AHCTF1: variants seen among roughly 807,000 people sequenced by gnomAD.
The protein encoded by AHCTF1 is AT-hook containing transcription factor 1.
A neutral mutation model predicts 248.4 loss-of-function variants in AHCTF1; 24 were observed. The ratio of observed to expected loss-of-function variants is 0.10; its 90% CI spans 0.07 to 0.14. The LOEUF is 0.14. Ranked by LOEUF, AHCTF1 falls within the 10% of genes least tolerant of loss-of-function variation. The pLI is 1.00. For missense variants in AHCTF1, 2,206 were observed against 2,636.2 expected (o/e 0.84, Z 3.57); for synonymous variants, 786 against 929.8 (o/e 0.85, Z 2.81).
At position 246,885,693 on chromosome 1, in the gene AHCTF1, T is replaced by C. The variant is rs769826093; in HGVS notation, c.2473-13A>G. ...GATCCAAACCACTCTGGAAATAACA[T>C]GAAAAATGTTAAATATAAATATAAT... On this transcript the variant is annotated splice_polypyrimidine_tract_variant and intron_variant, in intron 20 of 35. Coordinates refer to ENST00000648844, the MANE Select transcript of AHCTF1 (RefSeq NM_001323342.2). The C allele has an allele frequency of 2.0e-5, 32 of 1,596,472 alleles. No homozygotes were observed. The highest frequency in any genetic ancestry group is 2.7e-5 in the Non-Finnish European group (32 of 1,170,322).
At chr1:246,925,053 T>G (rs570628060) in intron 1 of AHCTF1, among the ~76,000 whole-genome samples, 1 of 152,196 alleles carries the variant, frequency 6.6e-6, no homozygotes, top group South Asian at 2.1e-4. Context: ...GTTACTATGT[T>G]GTTTTCCCCT....
rs1659765675 is a variant in AHCTF1, at chr1:246,840,293, C to T, written c.*513G>A. ...CTACAAAGATGGCAAAATGACATGC[C>T]CATAATTCAATTTTAACATAGTAAC... is the stretch of plus-strand genomic sequence containing the variant. On this transcript the variant is annotated 3_prime_UTR_variant, in exon 36 of 36. Transcript: ENST00000648844. The T allele has an allele frequency of 1.3e-5, 2 of 152,376 alleles. No homozygotes were observed. The highest frequency in any genetic ancestry group is 4.8e-5 in the African/African-American group (2 of 41,348). The allele number at this position is 152,376 out of a possible 1,614,324, so 9.4% of individuals were successfully genotyped here.
intron 20 of AHCTF1, 141 bp downstream of exon 20, chr1:246,887,069 TA>T: frequency 1.1e-6 from 1 of 871,778 alleles, no homozygotes; most frequent in Non-Finnish European, 1.7e-6. Flanking sequence ...TAGTGCTTGG[TA>T]AAGGTACTGA....
intron 13 of AHCTF1, among the ~76,000 whole-genome samples, chr1:246,895,022 T>C (rs1046077762): frequency 6.7e-6 from 1 of 150,150 alleles, no homozygotes; most frequent in Non-Finnish European, 1.5e-5. Context: ...TAAGGCCTAA[T>C]TCCTTTAAAA....
chr1:246,844,021 G>A (rs1298288031), intron 33 of AHCTF1, 93 bp from the exon 34 acceptor site: 2 of 947,774 alleles, frequency 2.1e-6, no homozygotes, highest in Non-Finnish European at 1.4e-6. Context: ...ATGTGTTTTA[G>A]AAAGATGCAA....
At chr1:246,905,788 G>T in intron 5 of AHCTF1, 131 bp from the exon 6 acceptor site, 1 of 663,048 alleles carries the variant, frequency 1.5e-6, no homozygotes. Flanking sequence ...GTGGGCCATG[G>T]CCAAGTCATC....
intron 8 of AHCTF1, 30 bp from the exon 9 acceptor site, chr1:246,900,499 G>C (rs768900228): frequency 6.4e-7 from 1 of 1,571,872 alleles, no homozygotes; most frequent in Non-Finnish European, 8.6e-7. Context: ...TTTAAAAACA[G>C]AATAAAGAAT....
intron 26 of AHCTF1, chr1:246,865,236 A>C (rs1235607498): frequency 6.6e-6 from 1 of 152,184 alleles, no homozygotes; most frequent in Non-Finnish European, 1.5e-5. Flanking sequence ...TATTTCCCCC[A>C]AATGCCAAAG....
intron 21 of AHCTF1, among the ~76,000 whole-genome samples, chr1:246,878,976 T>C (rs527699910): frequency 6.6e-6 from 1 of 152,324 alleles, no homozygotes; most frequent in East Asian, 1.9e-4. Flanking sequence ...AGAAATATAG[T>C]CATTTTTCCC....
At chr1:246,841,029 T>C (rs1335012036) in intron 35 of AHCTF1, 31 bp from the exon 36 acceptor site, 1 of 1,558,120 alleles carries the variant, frequency 6.4e-7, no homozygotes, top group Non-Finnish European at 8.7e-7. Flanking sequence ...CAAGTAAGAA[T>C]AAACACATTA....
intron 1 of AHCTF1, among the ~76,000 whole-genome samples, chr1:246,925,826 T>C (rs1047782850): frequency 1.3e-5 from 2 of 151,878 alleles, no homozygotes; most frequent in African/African-American, 4.8e-5. Flanking sequence ...TCCCAGCACT[T>C]TGGGAGGCTG....
chr1:246,892,300 ACTTTTTTTT>A (rs1448783713), intron 14 of AHCTF1, among the ~76,000 whole-genome samples: 1 of 76,728 alleles, frequency 1.3e-5, no homozygotes, highest in African/African-American at 5.0e-5. Flanking sequence ...AATTTGTTTT[ACTTTTTTTT>A]TTTTTTTTTT....
rs996241027 is a variant in AHCTF1, at chr1:246,839,544, C to T, written c.*1262G>A. 26 of 985,690 alleles carry T rather than the reference C, an allele frequency of 2.6e-5. No individual in the cohort carries two copies. Among genetic ancestry groups the T allele is most frequent in the South Asian group, 9.4e-5 (2 of 21,290 alleles). 61.1% of individuals were successfully genotyped at this position (985,690 alleles called of 1,614,324 possible). On this transcript the variant is annotated 3_prime_UTR_variant, in exon 36 of 36. Coordinates refer to ENST00000648844, the MANE Select transcript of AHCTF1 (RefSeq NM_001323342.2). ...TCCATCACTAACCTGACTAAAAGGC[C>T]GCACTCGCACTGCTTTCACACTGTC...
chr1:246,911,471 T>C (rs950761952), intron 4 of AHCTF1, among the ~76,000 whole-genome samples: 4 of 148,886 alleles, frequency 2.7e-5, no homozygotes, highest in Admixed American at 6.8e-5. Context: ...TGTCTATCTA[T>C]GAAGATTCTT....
At chr1:246,873,136 TC>T (rs1234035767) in intron 24 of AHCTF1, among the ~76,000 whole-genome samples, 1 of 152,188 alleles carries the variant, frequency 6.6e-6, no homozygotes, top group Non-Finnish European at 1.5e-5. Context: ...AAGCTTCTCT[TC>T]TGGGGAAGGG....
At chr1:246,931,209 G>A in intron 1 of AHCTF1, 1 of 1,550,226 alleles carries the variant, frequency 6.5e-7, no homozygotes, top group Non-Finnish European at 8.7e-7. Flanking sequence ...TCGGGGAAAG[G>A]CCCGCCAACG....
At position 246,876,945 on chromosome 1, in the gene AHCTF1, C is replaced by T. The variant is rs775726936; in HGVS notation, c.2937+5G>A. The T allele has an allele frequency of 6.2e-7, 1 of 1,611,420 alleles. No homozygotes were observed. Among genetic ancestry groups the T allele is most frequent in the Non-Finnish European group, 8.5e-7 (1 of 1,179,600 alleles). On this transcript the variant is annotated splice_donor_5th_base_variant and intron_variant, in intron 23 of 35. Coordinates refer to ENST00000648844, the MANE Select transcript of AHCTF1 (RefSeq NM_001323342.2). ...TCCCCCATAATAAGACAACTTTAAT[C>T]GTACCATAACATTAATCTTCAGAGT...
intron 11 of AHCTF1, among the ~76,000 whole-genome samples, chr1:246,898,621 AACACACACACACACAC>A (rs74163703): frequency 0.25 from 37,153 of 147,028 alleles, 4,647 homozygotes; most frequent in East Asian, 0.35. Context: ...ATCTTGACAA[AACACACACACACACAC>A]ACACACACAC....
intron 21 of AHCTF1, among the ~76,000 whole-genome samples, chr1:246,880,247 A>C (rs1183954400): frequency 6.6e-6 from 1 of 151,060 alleles, no homozygotes; most frequent in Non-Finnish European, 1.5e-5. Context: ...TAAAATATAT[A>C]ATAGGCATTA....
Sources: gnomAD v4.1 joint callset for allele counts (sites outside exome capture counted in the v4.1 genomes callset) on GRCh38, gnomAD v4.1.1 for gene constraint, MANE v1.5 for transcripts, NCBI Gene and HGNC (gene_info 2026-07-23, HGNC 2026-07-21) for gene names.